Variants in IMMP2L observed in about 807,000 individuals in gnomAD.
The protein encoded by IMMP2L is mitochondrial inner membrane protease subunit 2.
A neutral mutation model predicts 19.3 loss-of-function variants in IMMP2L; 18 were observed. The ratio of observed to expected loss-of-function variants is 0.93; its 90% CI spans 0.64 to 1.38. The LOEUF (loss-of-function observed/expected upper bound fraction) is 1.38, where lower values mean the gene tolerates loss of function less well. IMMP2L is among the 40% of genes most tolerant of loss of function. IMMP2L has a pLI of 0.00. For missense variants in IMMP2L, 233 were observed against 218.2 expected, an observed-to-expected ratio of 1.07 and a Z score of -0.43; for synonymous variants, 76 against 73.0, an observed-to-expected ratio of 1.04 and a Z score of -0.21.
intron 5 of IMMP2L, among the ~76,000 whole-genome samples, chr7:110,855,609 A>C (rs1806679732): frequency 6.6e-6 from 1 of 152,094 alleles, no homozygotes. Context: ...TTATCCTAGC[A>C]GAGAATGTTT....
intron 3 of IMMP2L, among the ~76,000 whole-genome samples, chr7:111,376,617 T>C (rs1305781401): frequency 3.9e-5 from 6 of 152,114 alleles, no homozygotes; most frequent in African/African-American, 1.4e-4. Context: ...AAAAGCATTA[T>C]TCATAATAGC....
chr7:111,515,176 T>C (rs1845777951), intron 2 of IMMP2L, among the ~76,000 whole-genome samples: 1 of 152,186 alleles, frequency 6.6e-6, no homozygotes, highest in South Asian at 2.1e-4. Flanking sequence ...GCAAGCTGCA[T>C]GTGCCCAGGG....
intron 5 of IMMP2L, among the ~76,000 whole-genome samples, chr7:110,847,324 C>T (rs191445845): frequency 6.6e-6 from 1 of 152,064 alleles, no homozygotes; most frequent in East Asian, 1.9e-4. Flanking sequence ...ATGCAAAGCA[C>T]CTGATTTTCT....
chr7:111,356,595 T>G (rs886826997), intron 3 of IMMP2L, among the ~76,000 whole-genome samples: 3 of 152,196 alleles, frequency 2.0e-5, no homozygotes, highest in African/African-American at 7.2e-5. Flanking sequence ...CTTTTTAGTG[T>G]AGCACTGAAA....
intron 5 of IMMP2L, among the ~76,000 whole-genome samples, chr7:110,808,561 T>G (rs1283777715): frequency 2.6e-5 from 4 of 152,076 alleles, no homozygotes. Flanking sequence ...ACAGGGGGCA[T>G]TTGGCTTCTC....
intron 3 of IMMP2L, among the ~76,000 whole-genome samples, chr7:111,277,333 C>A (rs1248558405): frequency 2.0e-5 from 3 of 151,744 alleles, no homozygotes; most frequent in Non-Finnish European, 4.4e-5. Flanking sequence ...AACAAACACA[C>A]ACAAAAAAAT....
At position 111,073,020 on chromosome 7, in the gene IMMP2L, G is replaced by A. The variant is rs576289369; in HGVS notation, c.240-109455C>T. ...TATAAGGAACATTCTAGGAATAACTGGTGAAATTTGAATATGGAATATATA... is the reference window on the plus strand; with the variant it reads ...TATAAGGAACATTCTAGGAATAACTAGTGAAATTTGAATATGGAATATATA... On this transcript the variant is annotated intron_variant, in intron 3 of 5. Transcript: ENST00000405709. Among the ~76,000 whole-genome samples, 7 of 152,110 alleles carry A rather than the reference G, an allele frequency of 4.6e-5. No individual in the cohort carries two copies. In the South Asian group the frequency reaches 1.5e-3, roughly 32 times the overall value.
intron 3 of IMMP2L, among the ~76,000 whole-genome samples, chr7:111,178,956 T>C (rs766621803): frequency 1.3e-5 from 2 of 152,012 alleles, no homozygotes; most frequent in Non-Finnish European, 2.9e-5. Flanking sequence ...GAATGGTGAC[T>C]CCCTTCCAGG....
intron 3 of IMMP2L, among the ~76,000 whole-genome samples, chr7:111,467,848 C>G (rs968091553): frequency 6.6e-6 from 1 of 152,078 alleles, no homozygotes; most frequent in East Asian, 1.9e-4. Flanking sequence ...GTAGTACACT[C>G]CAATTAATAT....
intron 3 of IMMP2L, among the ~76,000 whole-genome samples, chr7:110,997,773 T>C (rs1823198905): frequency 6.6e-6 from 1 of 152,146 alleles, no homozygotes; most frequent in African/African-American, 2.4e-5. Context: ...CTTCCTCAGA[T>C]ATGCGGTTTG....
intron 4 of IMMP2L, among the ~76,000 whole-genome samples, chr7:110,908,520 T>A (rs1298853071): frequency 6.6e-6 from 1 of 152,180 alleles, no homozygotes; most frequent in Non-Finnish European, 1.5e-5. Flanking sequence ...TGGAAGTGGG[T>A]ATATAATGAT....
At chr7:111,137,108 T>C (rs377401196) in intron 3 of IMMP2L, among the ~76,000 whole-genome samples, 10 of 152,248 alleles carry the variant, frequency 6.6e-5, no homozygotes, top group African/African-American at 2.2e-4. Context: ...GTCTTCGTCA[T>C]GTTGAAATGC....
At chr7:111,098,985 TTTTC>T (rs1314789970) in intron 3 of IMMP2L, among the ~76,000 whole-genome samples, 3 of 151,890 alleles carry the variant, frequency 2.0e-5, no homozygotes, top group Non-Finnish European at 3.0e-5. Context: ...AGGATTCTTC[TTTTC>T]TTTCTGAGAA....
chr7:110,704,417 G>T (rs778569483), intron 5 of IMMP2L, among the ~76,000 whole-genome samples: 3 of 152,134 alleles, frequency 2.0e-5, no homozygotes, highest in Admixed American at 2.0e-4. Flanking sequence ...AATGCATGAT[G>T]TAACTATAAG....
intron 3 of IMMP2L, among the ~76,000 whole-genome samples, chr7:111,365,220 C>T (rs1829658515): frequency 6.6e-6 from 1 of 152,090 alleles, no homozygotes; most frequent in African/African-American, 2.4e-5. Flanking sequence ...GTTTCCTGTA[C>T]TTCACGAAAG....
At chr7:110,945,101 C>T (rs960628090) in intron 4 of IMMP2L, among the ~76,000 whole-genome samples, 1 of 151,860 alleles carries the variant, frequency 6.6e-6, no homozygotes, top group Non-Finnish European at 1.5e-5. Context: ...CAAAACGTTA[C>T]ATAGCTGCCA....
intron 2 of IMMP2L, among the ~76,000 whole-genome samples, chr7:111,502,827 A>T (rs1844436273): frequency 2.6e-5 from 4 of 151,182 alleles, no homozygotes; most frequent in African/African-American, 9.8e-5. Flanking sequence ...AGCAGTGTGC[A>T]GAGGGAAATT....
chr7:111,353,210 A>G (rs997221622), intron 3 of IMMP2L, among the ~76,000 whole-genome samples: 1 of 152,284 alleles, frequency 6.6e-6, no homozygotes, highest in Non-Finnish European at 1.5e-5. Context: ...TTTCACCTGG[A>G]GAGTGAAGCA....
At chr7:111,511,596 C>T (rs558155557) in intron 2 of IMMP2L, among the ~76,000 whole-genome samples, 8 of 148,952 alleles carry the variant, frequency 5.4e-5, no homozygotes, top group African/African-American at 1.2e-4. Context: ...TTGCAGTGAG[C>T]GGAGATCGCG....
Sources: gnomAD v4.1 joint callset for allele counts (sites outside exome capture counted in the v4.1 genomes callset) on GRCh38, gnomAD v4.1.1 for gene constraint, MANE v1.5 for transcripts, NCBI Gene and HGNC (gene_info 2026-07-23, HGNC 2026-07-21) for gene names.